DOK1: variants seen among roughly 807,000 people sequenced by gnomAD.
The protein encoded by DOK1 is docking protein 1.
In DOK1, 12 loss-of-function variants were observed where a neutral mutation model predicts 24.0. The observed-to-expected ratio is 0.50, with a 90% confidence interval of 0.32 to 0.81. The LOEUF (loss-of-function observed/expected upper bound fraction) is 0.81. Ranked by LOEUF, DOK1 falls within the 30% of genes least tolerant of loss-of-function variation. The probability of loss-of-function intolerance (pLI) is 0.03; values close to 1 mark genes in which losing one functional copy is unlikely to be tolerated. For missense variants in DOK1, 591 were observed against 620.7 expected (o/e 0.95, Z 0.51); for synonymous variants, 250 against 260.9 (o/e 0.96, Z 0.40).
At chr2:74,553,115 G>C (rs1677129795), upstream of DOK1, 1 of 156,938 alleles carries the variant, frequency 6.4e-6, no homozygotes, top group South Asian at 2.0e-4. Context: ...GGGTGAGAAG[G>C]AGAGGGATTG....
Position 74,556,444 on chromosome 2 carries a change from G to A in DOK1, c.776G>A (p.Gly259Glu), listed in dbSNP as rs772988047. 6.2e-7 allele frequency: 1 copy of A among 1,614,176 alleles called. No individual in the cohort carries two copies. The highest frequency in any genetic ancestry group is 1.7e-5 in the Admixed American group (1 of 60,032). Residue 259 changes from glycine (G) to glutamate (E), a missense_variant, in exon 5 of 5, where the codon GGA (glycine) becomes GAA (glutamate). Coordinates refer to ENST00000233668, the MANE Select transcript of DOK1 (RefSeq NM_001381.5). The surrounding 1 kb of genome is among the most constrained non-coding windows in gnomAD (Gnocchi z 4.1). ...CGGCAGAAGGCCCAGGGAAAGGCCG[G>A]ACAGGGGCACGATGTTCTCAGAGCT... ...IHRQKAQGKAGQGHDVLRADS... is the reference protein window; with the variant it reads ...IHRQKAQGKAEQGHDVLRADS...
At position 74,557,177 on chromosome 2, in the gene DOK1, A is replaced by G. The variant is rs1269053119; in HGVS notation, c.*63A>G. ...GGGGAGGTGGCACTAGGGATCAAAG[A>G]AGATGGTTAGAACCAGCAGAAGCCA... On this transcript the variant is annotated 3_prime_UTR_variant, in exon 5 of 5. Transcript: ENST00000233668. 3.3e-6 allele frequency: 5 copies of G among 1,520,792 alleles called. No homozygotes were observed. The African/African-American group carries it at 5.5e-5, about 17-fold the overall frequency. 94.2% of individuals were successfully genotyped at this position (1,520,792 alleles called of 1,614,324 possible).
upstream of DOK1, chr2:74,552,863 G>C (rs1677109210): frequency 3.8e-6 from 2 of 524,324 alleles, no homozygotes; most frequent in Non-Finnish European, 3.4e-6. Flanking sequence ...CAGCCTGAGA[G>C]ACCCAGAGAT....
upstream of DOK1, chr2:74,554,609 T>G: frequency 1.4e-6 from 1 of 716,670 alleles, no homozygotes; most frequent in African/African-American, 1.8e-5. This position sits in a 1 kb window ranked among gnomAD's most constrained non-coding sequence, Gnocchi z 4.9. Context: ...TCCTTCTCGC[T>G]CCTCTCCCTC....
chr2:74,553,033 GGAGA>G (rs1328368214), upstream of DOK1: 1 of 199,512 alleles, frequency 5.0e-6, no homozygotes, highest in Non-Finnish European at 1.0e-5. Context: ...AAGACACAGA[GGAGA>G]GAGACAACGG....
At chr2:74,549,745 T>G (rs1573026160), upstream of DOK1, 4 of 1,439,508 alleles carry the variant, frequency 2.8e-6, 1 homozygote, top group South Asian at 6.0e-5. The surrounding 1 kb of genome is among the most constrained non-coding windows in gnomAD (Gnocchi z 5.3). Context: ...GTCCGCGGTG[T>G]GGACTCTCTT....
At position 74,555,683 on chromosome 2, in the gene DOK1, A is replaced by G; in HGVS notation, c.454+15A>G. ...TACCTGGGAAGGTAGACGCCTCAGA[A>G]GCCCGGGCAGGGATGGAGTGAAGAG... On this transcript the variant is annotated intron_variant, in intron 3 of 4. Transcript: ENST00000233668. This position sits in a 1 kb window ranked among gnomAD's most constrained non-coding sequence, Gnocchi z 6.1. 1.2e-6 allele frequency: 2 copies of G among 1,613,652 alleles called. No homozygotes were observed. Among genetic ancestry groups the G allele is most frequent in the Non-Finnish European group, 1.7e-6 (2 of 1,179,870 alleles).
At chr2:74,551,066 G>A (rs1210768122), upstream of DOK1, among the ~76,000 whole-genome samples, 3 of 152,026 alleles carry the variant, frequency 2.0e-5, no homozygotes, top group Non-Finnish European at 4.4e-5. Flanking sequence ...CCAAGTAGCT[G>A]GGGCTACAAG....
chr2:74,550,010 TA>T, upstream of DOK1: 1 of 985,442 alleles, frequency 1.0e-6, no homozygotes, highest in Non-Finnish European at 1.2e-6. Flanking sequence ...ATGTGAATGC[TA>T]AAAACCTGTT....
chr2:74,557,215 G>A lies in DOK1; in HGVS notation c.*101G>A, dbSNP rs1469284177. ...CCAGCAGAAGCCAGAGGGTGGGAGG[G>A]GCCATGCTGTGTGAGACCAGGGGAC... On this transcript the variant is annotated 3_prime_UTR_variant, in exon 5 of 5. Coordinates refer to ENST00000233668, the MANE Select transcript of DOK1 (RefSeq NM_001381.5). 8.0e-7 allele frequency: 1 copy of A among 1,255,088 alleles called. No homozygotes were observed. Among genetic ancestry groups the A allele is most frequent in the Non-Finnish European group, 1.1e-6 (1 of 915,714 alleles). The allele number at this position is 1,255,088 out of a possible 1,614,324, so 77.7% of individuals were successfully genotyped here. A position where few individuals can be genotyped will look rare whatever the true frequency, so the allele number is the denominator to read the frequency against.
upstream of DOK1, among the ~76,000 whole-genome samples, chr2:74,553,271 G>A (rs1425375281): frequency 1.3e-5 from 2 of 152,106 alleles, no homozygotes; most frequent in African/African-American, 4.8e-5. Flanking sequence ...TGGGAGCCCA[G>A]AGTCCTAACC....
rs1237888591 is a variant in DOK1, at chr2:74,555,232, G to A, written c.139G>A (p.Gly47Arg). 2.5e-6 allele frequency: 4 copies of A among 1,613,796 alleles called. No individual in the cohort carries two copies. The East Asian group carries it at 6.7e-5, about 27-fold the overall frequency. Reference protein sequence around the residue: ...VARLEFFDHKGSSSGGGRGSS... With the variant: ...VARLEFFDHKRSSSGGGRGSS... ...GCGGCTCGAGTTCTTTGACCATAAG[G>A]GGTCGAGCTCTGGGGGTGGCCGAGG... Residue 47 changes from glycine to arginine, a missense_variant, in exon 2 of 5, where the codon GGG (glycine) becomes AGG (arginine). Transcript: ENST00000233668. The surrounding 1 kb of genome is among the most constrained non-coding windows in gnomAD (Gnocchi z 6.1).
chr2:74,549,689 G>C lies in DOK1; in HGVS notation c.-358+517G>C. The C allele has an allele frequency of 6.9e-7, 1 of 1,457,718 alleles. No homozygotes were observed. The highest frequency in any genetic ancestry group is 9.1e-7 in the Non-Finnish European group (1 of 1,100,052). 90.3% of individuals were successfully genotyped at this position (1,457,718 alleles called of 1,614,324 possible). Reference sequence around the variant, plus strand: ...GTGTGCCTGCTGTAAACCCAGTGGCGGGATGGGCCCGAGGCGGCGCTGAGA... The same window carrying C: ...GTGTGCCTGCTGTAAACCCAGTGGCCGGATGGGCCCGAGGCGGCGCTGAGA... On this transcript the variant is annotated intron_variant, in intron 1 of 4. Coordinates refer to the DOK1 transcript ENST00000409429. The surrounding 1 kb of genome is among the most constrained non-coding windows in gnomAD (Gnocchi z 5.3).
chr2:74,555,835 G>T lies in DOK1; in HGVS notation c.455-59G>T. The T allele has an allele frequency of 6.3e-7, 1 of 1,582,212 alleles. No individual in the cohort carries two copies. The highest frequency in any genetic ancestry group is 2.2e-5 in the East Asian group (1 of 44,546). On this transcript the variant is annotated intron_variant, in intron 3 of 4. Coordinates refer to ENST00000233668, the MANE Select transcript of DOK1 (RefSeq NM_001381.5). This position sits in a 1 kb window ranked among gnomAD's most constrained non-coding sequence, Gnocchi z 6.1. ...GGACACTATGCTCATGAGTCCTCTG[G>T]GTCCCCACTGCTGCCCCCGTCCCTC... is the stretch of plus-strand genomic sequence containing the variant.
At chr2:74,552,636 G>T (rs1173614236), upstream of DOK1, 2 of 1,542,960 alleles carry the variant, frequency 1.3e-6, no homozygotes, top group African/African-American at 1.4e-5. Context: ...AGGTCGCATG[G>T]CAGGGAAGGC....
At chr2:74,552,595 G>GC (rs35904632), upstream of DOK1, 11 of 1,589,528 alleles carry the variant, frequency 6.9e-6, no homozygotes, top group East Asian at 2.3e-4. Flanking sequence ...CACAGCAGCA[G>GC]CCCCCAGGGG....
chr2:74,555,733 A>T lies in DOK1; in HGVS notation c.454+65A>T. 1 of 1,608,714 alleles carries T rather than the reference A, an allele frequency of 6.2e-7. No individual in the cohort carries two copies. The highest frequency in any genetic ancestry group is 8.5e-7 in the Non-Finnish European group (1 of 1,177,938). ...GGAGGAGGGCCGAGGGCCTTTGGGA[A>T]GTGGGTGGATACCCAGGGGCCCATG... is the stretch of plus-strand genomic sequence containing the variant. On this transcript the variant is annotated intron_variant, in intron 3 of 4. Transcript: ENST00000233668. This position sits in a 1 kb window ranked among gnomAD's most constrained non-coding sequence, Gnocchi z 6.1.
chr2:74,552,765 G>T, upstream of DOK1: 1 of 857,470 alleles, frequency 1.2e-6, no homozygotes. Context: ...GAGACAGCGA[G>T]AGACAACAGG....
In DOK1 at chr2:74,555,962, G is replaced by A; in HGVS notation, c.523G>A (p.Val175Met). Residue 175 changes from valine (V) to methionine (M), a missense_variant, in exon 4 of 5, where the codon GTG becomes ATG. Val to Met is a conservative substitution (Grantham distance 21). Coordinates refer to ENST00000233668, the MANE Select transcript of DOK1 (RefSeq NM_001381.5). This position sits in a 1 kb window ranked among gnomAD's most constrained non-coding sequence, Gnocchi z 6.1. ...AERCGLHGSY[V>M]LRVEAERLTL... is the part of the protein sequence containing the mutation. ...GCGCTGTGGCCTGCATGGCTCCTACGTGCTGAGGGTGGAGGCTGAAAGGCT... is the reference window on the plus strand; with the variant it reads ...GCGCTGTGGCCTGCATGGCTCCTACATGCTGAGGGTGGAGGCTGAAAGGCT... 6.2e-7 allele frequency: 1 copy of A among 1,613,932 alleles called. No homozygotes were observed. The highest frequency in any genetic ancestry group is 8.5e-7 in the Non-Finnish European group (1 of 1,179,952).
Sources: gnomAD v4.1 joint callset for allele counts (sites outside exome capture counted in the v4.1 genomes callset) on GRCh38, gnomAD v4.1.1 for gene constraint, Gnocchi (gnomAD v3.1) non-coding constraint, MANE v1.5 for transcripts, NCBI Gene and HGNC (gene_info 2026-07-23, HGNC 2026-07-21) for gene names.